Variants in CNTN4 observed in about 807,000 individuals in gnomAD.
CNTN4 encodes contactin-4.
A neutral mutation model predicts 122.5 loss-of-function variants in CNTN4; 77 were observed. The observed-to-expected ratio is 0.63, with a 90% CI of 0.52 to 0.76. The LOEUF is 0.76. Among genes scored for constraint, CNTN4 ranks in the 30% least tolerant of loss-of-function variants. CNTN4 has a pLI of 0.00. For missense variants in CNTN4, 1,256 were observed against 1,259.1 expected, an observed-to-expected ratio of 1.00 and a Z score of 0.04; for synonymous variants, 512 against 447.0, an observed-to-expected ratio of 1.15 and a Z score of -1.83.
chr3:2,279,273 GA>G (rs1181811370), intron 2 of CNTN4, among the ~76,000 whole-genome samples: 2 of 151,756 alleles, frequency 1.3e-5, no homozygotes, highest in Non-Finnish European at 2.9e-5. Context: ...TCTAATCAAA[GA>G]AAAAAAACAC....
intron 4 of CNTN4, among the ~76,000 whole-genome samples, chr3:2,609,430 G>C (rs2081390431): frequency 6.6e-6 from 1 of 152,108 alleles, no homozygotes; most frequent in African/African-American, 2.4e-5. Flanking sequence ...CCATAACTGT[G>C]AGAAATAAAT....
chr3:2,120,343 CATTTAGGTT>C (rs1559260414), intron 2 of CNTN4, among the ~76,000 whole-genome samples: 3 of 115,048 alleles, frequency 2.6e-5, no homozygotes, highest in Admixed American at 8.8e-5. Flanking sequence ...TAACATGAGG[CATTTAGGTT>C]ATATATATAT....
chr3:2,940,147 A>C (rs1577343161), intron 13 of CNTN4, among the ~76,000 whole-genome samples: 1 of 152,214 alleles, frequency 6.6e-6, no homozygotes, highest in Non-Finnish European at 1.5e-5. Flanking sequence ...GAAAAGAGAA[A>C]AGCAAAAGGG....
chr3:2,167,219 GT>G (rs1254910456), intron 2 of CNTN4, among the ~76,000 whole-genome samples: 1 of 151,962 alleles, frequency 6.6e-6, no homozygotes, highest in Non-Finnish European at 1.5e-5. Flanking sequence ...TAATTGGAAA[GT>G]TTTTCACTAT....
At chr3:2,543,427 C>T (rs1465091150) in intron 3 of CNTN4, among the ~76,000 whole-genome samples, 1 of 151,988 alleles carries the variant, frequency 6.6e-6, no homozygotes, top group African/African-American at 2.4e-5. Context: ...CGTCTTAGTG[C>T]TTGTTCCACT....
At chr3:2,586,948 CCTT>C (rs2080230740) in intron 4 of CNTN4, among the ~76,000 whole-genome samples, 1 of 152,156 alleles carries the variant, frequency 6.6e-6, no homozygotes, top group Admixed American at 6.5e-5. Context: ...CTCCTTCCCT[CCTT>C]TGATTTTTCA....
chr3:3,028,710 A>T (rs1019551881), intron 15 of CNTN4, among the ~76,000 whole-genome samples: 1 of 152,220 alleles, frequency 6.6e-6, no homozygotes, highest in Non-Finnish European at 1.5e-5. Context: ...TTTCTTAGGT[A>T]AAGTATCAAT....
intron 13 of CNTN4, among the ~76,000 whole-genome samples, chr3:2,987,980 C>T (rs190494472): frequency 6.6e-4 from 101 of 152,214 alleles, no homozygotes; most frequent in South Asian, 2.5e-3. Flanking sequence ...GGGATTTTTT[C>T]GTATTCCTTA....
chr3:2,186,537 A>G (rs2149311846), intron 2 of CNTN4, among the ~76,000 whole-genome samples: 1 of 152,346 alleles, frequency 6.6e-6, no homozygotes, highest in South Asian at 2.1e-4. Context: ...ACTAGTTTAC[A>G]GTCCCACCAG....
At chr3:3,035,882 G>T (rs2125711462) in intron 17 of CNTN4, among the ~76,000 whole-genome samples, 1 of 150,832 alleles carries the variant, frequency 6.6e-6, no homozygotes, top group East Asian at 1.9e-4. Flanking sequence ...TAAATTTGGG[G>T]ATAAAAAGAC....
chr3:2,130,381 TA>T (rs1313319139), intron 2 of CNTN4, among the ~76,000 whole-genome samples: 113 of 152,248 alleles, frequency 7.4e-4, no homozygotes, highest in Non-Finnish European at 1.2e-3. Flanking sequence ...TCACTATGAG[TA>T]AGAGGATACA....
chr3:2,939,160 C>A (rs2094591228), intron 13 of CNTN4, among the ~76,000 whole-genome samples: 1 of 152,120 alleles, frequency 6.6e-6, no homozygotes, highest in African/African-American at 2.4e-5. Flanking sequence ...CACAGATATG[C>A]CAGAGTTAAT....
intron 2 of CNTN4, among the ~76,000 whole-genome samples, chr3:2,121,496 C>CAAAA (rs201166713): frequency 1.0e-5 from 1 of 98,086 alleles, no homozygotes; most frequent in African/African-American, 4.2e-5. Context: ...GACTCCGTCT[C>CAAAA]AAAAAAAAAA....
At chr3:2,722,919 G>GAA (rs1438684241) in intron 4 of CNTN4, among the ~76,000 whole-genome samples, 4 of 152,182 alleles carry the variant, frequency 2.6e-5, no homozygotes, top group African/African-American at 9.6e-5. Context: ...GAACAACTTT[G>GAA]TAATTTGAAA....
At chr3:2,950,206 G>A (rs1390475959) in intron 13 of CNTN4, among the ~76,000 whole-genome samples, 2 of 152,234 alleles carry the variant, frequency 1.3e-5, no homozygotes, top group Non-Finnish European at 2.9e-5. Flanking sequence ...CACTGGAGTG[G>A]GATGCTGTGT....
rs184517831 is a variant in CNTN4, at chr3:2,404,439, C to T, written c.-89+65206C>T. 2.4e-4 allele frequency among the ~76,000 whole-genome samples: 37 copies of T among 152,250 alleles called. No homozygotes were observed. In the East Asian group the frequency reaches 4.4e-3, roughly 18 times the overall value. On this transcript the variant is annotated intron_variant, in intron 3 of 24. Coordinates refer to ENST00000418658, the MANE Select transcript of CNTN4 (RefSeq NM_175607.3). ...TCATTCTCAGCTCCTAGCATCTGCT[C>T]GCATACCCTGGCTGCTGGCCCTCTT...
In CNTN4 at chr3:2,641,651, T is replaced by A. The variant is rs144338006; in HGVS notation, c.55+70093T>A. Among the ~76,000 whole-genome samples the A allele has an allele frequency of 2.3e-3, 350 of 152,268 alleles. 4 individuals are homozygous for A. Among genetic ancestry groups the A allele is most frequent in the African/African-American group, 8.2e-3 (342 of 41,540 alleles). ...CCTAGTCTACATTCCTGGTTATATA[T>A]CATTACTCTAAATATCCCCCCCAAA... On this transcript the variant is annotated intron_variant, in intron 4 of 24. Transcript: ENST00000418658.
At chr3:2,450,485 A>C (rs77425354) in intron 3 of CNTN4, among the ~76,000 whole-genome samples, 4,158 of 152,274 alleles carry the variant, frequency 0.027, 166 homozygotes, top group African/African-American at 0.09. Flanking sequence ...AAGATTTTTG[A>C]AGGCTATGAT....
At chr3:2,987,208 C>T (rs932291912) in intron 13 of CNTN4, among the ~76,000 whole-genome samples, 5 of 152,054 alleles carry the variant, frequency 3.3e-5, no homozygotes, top group African/African-American at 9.7e-5. Context: ...TAGAGTTCAT[C>T]GAAGGGTAGA....
Sources: allele counts gnomAD v4.1 joint callset (sites outside exome capture counted in the v4.1 genomes callset), GRCh38; gene constraint gnomAD v4.1.1; transcripts MANE v1.5; gene names NCBI Gene and HGNC (gene_info 2026-07-23, HGNC 2026-07-21).